The following SFMBT2 variants were observed in gnomAD, a reference collection of about 807,000 sequenced individuals.
SFMBT2 encodes scm-like with four MBT domains protein 2.
A neutral mutation model predicts 110.1 loss-of-function variants in SFMBT2; 38 were observed. The observed-to-expected ratio is 0.35, with a 90% confidence interval of 0.27 to 0.45. The LOEUF (loss-of-function observed/expected upper bound fraction) is 0.45. SFMBT2 is among the 20% of genes least tolerant of loss of function. SFMBT2 has a pLI of 1.00. For missense variants in SFMBT2, 1,011 were observed against 1,094.9 expected, an observed-to-expected ratio of 0.92 and a Z score of 1.08; for synonymous variants, 425 against 425.4, an observed-to-expected ratio of 1.00 and a Z score of 0.01.
chr10:7,298,165 G>A (rs1432450593), intron 4 of SFMBT2, among the ~76,000 whole-genome samples: 1 of 152,206 alleles, frequency 6.6e-6, no homozygotes, highest in East Asian at 1.9e-4. Context: ...GAGAGATCCT[G>A]TCTCTTGGGA....
intron 2 of SFMBT2, among the ~76,000 whole-genome samples, chr10:7,371,347 G>A (rs1020063736): frequency 5.3e-5 from 8 of 151,972 alleles, no homozygotes; most frequent in South Asian, 2.1e-4. Context: ...GGCTGGTGTC[G>A]AACTCTGAAC....
chr10:7,285,210 G>A (rs988592517), intron 5 of SFMBT2: 4 of 152,170 alleles, frequency 2.6e-5, no homozygotes, highest in African/African-American at 9.7e-5. Flanking sequence ...TTCTCTTCCT[G>A]TTCCATTATA....
In SFMBT2 at chr10:7,235,044, T is replaced by C. The variant is rs191538711; in HGVS notation, c.1121-7107A>G. ...AAGAAGAAAAAAGGAGATCATGCAC[T>C]TCCCCAGGCCAGTGGCACACACGGA... is the stretch of plus-strand genomic sequence containing the variant. On this transcript the variant is annotated intron_variant, in intron 9 of 20. Coordinates refer to ENST00000397167, the MANE Select transcript of SFMBT2 (RefSeq NM_001387889.1). Among the ~76,000 whole-genome samples the C allele has an allele frequency of 5.9e-4, 90 of 152,360 alleles. No homozygotes were observed. In the Middle Eastern group the frequency reaches 0.014, roughly 23 times the overall value.
At chr10:7,261,931 C>T (rs75933790) in intron 7 of SFMBT2, among the ~76,000 whole-genome samples, 9,611 of 152,260 alleles carry the variant, frequency 0.063, 408 homozygotes, top group Admixed American at 0.089. Flanking sequence ...ATGAACAGTC[C>T]CCACACCTTT....
intron 9 of SFMBT2, among the ~76,000 whole-genome samples, chr10:7,235,638 C>T (rs1394482840): frequency 2.0e-5 from 3 of 152,052 alleles, no homozygotes. Context: ...CCCACATACA[C>T]ACCCTGCACA....
intron 16 of SFMBT2, among the ~76,000 whole-genome samples, chr10:7,179,391 G>GGAAAAAAAAAA (rs1838170395): frequency 1.4e-5 from 1 of 70,298 alleles, no homozygotes; most frequent in African/African-American, 5.3e-5. Flanking sequence ...TTGCATTTTC[G>GGAAAAAAAAAA]AAAAAAAAAA....
intron 7 of SFMBT2, among the ~76,000 whole-genome samples, chr10:7,261,063 C>T (rs1412540395): frequency 6.6e-6 from 1 of 152,078 alleles, no homozygotes; most frequent in Non-Finnish European, 1.5e-5. Flanking sequence ...TTCTCTGAGC[C>T]TGGCAATTCC....
chr10:7,172,714 G>C lies in SFMBT2; in HGVS notation c.1985-53C>G. On this transcript the variant is annotated intron_variant, in intron 17 of 20. Transcript: ENST00000397167. This position sits in a 1 kb window ranked among gnomAD's most constrained non-coding sequence, Gnocchi z 4.6. ...GAAGGCTATACACACACACAGACATGAACAGAGAGAGGAGAGAGAAAGAAG... is the reference window on the plus strand; with the variant it reads ...GAAGGCTATACACACACACAGACATCAACAGAGAGAGGAGAGAGAAAGAAG... The C allele has an allele frequency of 3.3e-6, 5 of 1,532,402 alleles. No individual in the cohort carries two copies. The South Asian group carries it at 4.9e-5, about 15-fold the overall frequency. 94.9% of individuals were successfully genotyped at this position (1,532,402 alleles called of 1,614,324 possible).
At chr10:7,206,061 C>T in intron 11 of SFMBT2, 133 bp from the exon 12 acceptor site, 1 of 1,362,760 alleles carries the variant, frequency 7.3e-7, no homozygotes, top group Middle Eastern at 2.8e-4. Context: ...AAAACAAAAA[C>T]AAAATAGCCA....
At chr10:7,399,887 A>T (rs1245223651) in intron 1 of SFMBT2, among the ~76,000 whole-genome samples, 3 of 152,350 alleles carry the variant, frequency 2.0e-5, no homozygotes, top group Admixed American at 2.0e-4. Flanking sequence ...TGGTAGGAGG[A>T]AACAATAGAG....
intron 9 of SFMBT2, among the ~76,000 whole-genome samples, chr10:7,233,543 T>C (rs2131690463): frequency 6.6e-6 from 1 of 152,314 alleles, no homozygotes; most frequent in Middle Eastern, 3.4e-3. Flanking sequence ...TCCACCTCCC[T>C]TGGAAAGGAA....
chr10:7,349,440 C>CTTTTTTTTTTTTTTTTTT lies in SFMBT2; in HGVS notation c.436+18191_436+18208dup, dbSNP rs369479041. 2.8e-3 allele frequency among the ~76,000 whole-genome samples: 129 copies of CTTTTTTTTTTTTTTTTTT among 46,886 alleles called. 34 individuals carry two copies. The highest frequency in any genetic ancestry group is 3.6e-3 in the Non-Finnish European group (102 of 28,228). The allele number at this position is 46,886 out of a possible 152,430, so 30.8% of individuals were successfully genotyped here. ...CCCTGACTCTTTTTTCTTTTCTTTT[C>CTTTTTTTTTTTTTTTTTT]TTTTTTTTTTTTTTTTTTTTTTTTT... On this transcript the variant is annotated intron_variant, in intron 4 of 20. Transcript: ENST00000397167.
At chr10:7,189,680 A>G (rs1838536765) in intron 15 of SFMBT2, among the ~76,000 whole-genome samples, 1 of 152,218 alleles carries the variant, frequency 6.6e-6, no homozygotes, top group Non-Finnish European at 1.5e-5. Flanking sequence ...TGACAGTAGC[A>G]GGAACAAGAC....
chr10:7,211,144 C>T (rs1244867468), intron 11 of SFMBT2, among the ~76,000 whole-genome samples: 2 of 152,044 alleles, frequency 1.3e-5, no homozygotes, highest in Non-Finnish European at 2.9e-5. Flanking sequence ...CCTTAGAAAG[C>T]ACCTGGGGTG....
chr10:7,208,729 T>C (rs1839235274), intron 11 of SFMBT2, among the ~76,000 whole-genome samples: 2 of 152,124 alleles, frequency 1.3e-5, no homozygotes. Flanking sequence ...TTATGGCTTA[T>C]TCCTTCCTCA....
chr10:7,317,948 G>A (rs184239248), intron 4 of SFMBT2, among the ~76,000 whole-genome samples: 8 of 152,330 alleles, frequency 5.3e-5, no homozygotes, highest in Admixed American at 1.3e-4. Flanking sequence ...CCACAATTCA[G>A]TATTATCCTA....
At chr10:7,174,087 G>A (rs533435327) in intron 17 of SFMBT2, among the ~76,000 whole-genome samples, 1 of 152,324 alleles carries the variant, frequency 6.6e-6, no homozygotes, top group East Asian at 1.9e-4. Flanking sequence ...CAGCAGCCCT[G>A]TAACTCCCAG....
chr10:7,206,479 G>C, intron 11 of SFMBT2: 1 of 985,378 alleles, frequency 1.0e-6, no homozygotes, highest in South Asian at 4.7e-5. Flanking sequence ...ACGTGGACAA[G>C]GCCCTTCTCT....
chr10:7,390,387 A>C (rs1845731540), intron 1 of SFMBT2, among the ~76,000 whole-genome samples: 1 of 152,202 alleles, frequency 6.6e-6, no homozygotes, highest in South Asian at 2.1e-4. Flanking sequence ...AAGGAGACTT[A>C]ACAGTTTCCC....
Sources: gnomAD v4.1 joint callset for allele counts (sites outside exome capture counted in the v4.1 genomes callset) on GRCh38, gnomAD v4.1.1 for gene constraint, Gnocchi (gnomAD v3.1) non-coding constraint, MANE v1.5 for transcripts, NCBI Gene and HGNC (gene_info 2026-07-23, HGNC 2026-07-21) for gene names.